The following SMARCB1 variants were observed in gnomAD, a reference collection of about 807,000 sequenced individuals.
SMARCB1 encodes SWI/SNF related BAF chromatin remodeling complex subunit B1.
Under a neutral mutation model 49.0 loss-of-function variants are expected in SMARCB1, and 5 were observed. The observed-to-expected ratio is 0.10, with a 90% CI of 0.05 to 0.21. The LOEUF (loss-of-function observed/expected upper bound fraction) is 0.21. Ranked by LOEUF, SMARCB1 falls within the 10% of genes least tolerant of loss-of-function variation. The pLI is 1.00. For missense variants in SMARCB1, 226 were observed against 509.2 expected, an observed-to-expected ratio of 0.44 and a Z score of 5.35; for synonymous variants, 201 against 200.1, an observed-to-expected ratio of 1.00 and a Z score of -0.04.
At chr22:23,801,183 T>C in intron 4 of SMARCB1, 102 bp downstream of exon 4, 7 of 1,545,998 alleles carry the variant, frequency 4.5e-6, no homozygotes, top group Non-Finnish European at 6.2e-6. Flanking sequence ...GCTTTGACCT[T>C]GTGCTCCCCA....
At chr22:23,788,473 T>G (rs889849827) in intron 1 of SMARCB1, among the ~76,000 whole-genome samples, 1 of 151,822 alleles carries the variant, frequency 6.6e-6, no homozygotes. Context: ...TGGTGTGATC[T>G]CGGCTCACTG....
In SMARCB1 at chr22:23,837,794, A is replaced by ACAC. The variant is rs1568969397; in HGVS notation, c.*3617_*3619dup. On this transcript the variant is annotated 3_prime_UTR_variant, in exon 9 of 9. Transcript: ENST00000644036. Reference sequence around the variant, plus strand: ...CGAGGGCTGCGGCGGCTCCACACGTACACCAGCATGGCCATGAGGGCCTGG... The same window carrying ACAC: ...CGAGGGCTGCGGCGGCTCCACACGTACACCACCAGCATGGCCATGAGGGCCTGG... The ACAC allele has an allele frequency of 6.2e-7, 1 of 1,613,840 alleles. No homozygotes were observed. Among genetic ancestry groups the ACAC allele is most frequent in the Non-Finnish European group, 8.5e-7 (1 of 1,180,000 alleles).
chr22:23,832,604 C>T (rs1426891975), intron 7 of SMARCB1, among the ~76,000 whole-genome samples: 1 of 152,206 alleles, frequency 6.6e-6, no homozygotes, highest in Non-Finnish European at 1.5e-5. Context: ...TTCTGCCAAG[C>T]CAGGGGTCTG....
chr22:23,808,535 C>T (rs1045535723), intron 5 of SMARCB1, among the ~76,000 whole-genome samples: 6 of 152,246 alleles, frequency 3.9e-5, no homozygotes, highest in East Asian at 3.9e-4. Flanking sequence ...GGATTACAGG[C>T]GTGAGCCACT....
chr22:23,836,046 CAAGGA>C lies in SMARCB1; in HGVS notation c.*1870_*1874del. 1 of 985,480 alleles carries C rather than the reference CAAGGA, an allele frequency of 1.0e-6. No individual in the cohort carries two copies. Among genetic ancestry groups the C allele is most frequent in the Non-Finnish European group, 1.2e-6 (1 of 829,954 alleles). The allele number at this position is 985,480 out of a possible 1,614,324, so 61.0% of individuals were successfully genotyped here. On this transcript the variant is annotated 3_prime_UTR_variant, in exon 9 of 9. Coordinates refer to ENST00000644036, the MANE Select transcript of SMARCB1 (RefSeq NM_003073.5). ...CACAACATGGACAGGCTTAGAACAA[CAAGGA>C]AAGCTGCCAGGTCAGAAGAGAAAAA...
rs746421595 is a variant in SMARCB1 at position 23,791,808 on chromosome 22, C to T, written c.146C>T (p.Ser49Leu). 6.2e-7 allele frequency: 1 copy of T among 1,613,620 alleles called. No individual in the cohort carries two copies. The highest frequency in any genetic ancestry group is 1.7e-5 in the Admixed American group (1 of 60,020). The change falls in exon 2 of 9, where the codon TCA (serine) becomes TTA (leucine). Residue 49 changes from serine to leucine, a missense_variant. Coordinates refer to ENST00000644036, the MANE Select transcript of SMARCB1 (RefSeq NM_003073.5). ...FRGSLYKRYP[S>L]LWRRLATVEE... is the part of the protein sequence containing the mutation. Reference sequence around the variant, plus strand: ...GGTTCTCTGTACAAGAGATACCCCTCACTCTGGAGGCGACTAGCCACTGTG... The same window carrying T: ...GGTTCTCTGTACAAGAGATACCCCTTACTCTGGAGGCGACTAGCCACTGTG...
At chr22:23,806,465 T>C (rs1929505297) in intron 5 of SMARCB1, among the ~76,000 whole-genome samples, 1 of 152,262 alleles carries the variant, frequency 6.6e-6, no homozygotes, top group Non-Finnish European at 1.5e-5. Context: ...GAGCTGTGAT[T>C]CTTAATTGGT....
At chr22:23,803,126 G>A in intron 4 of SMARCB1, 169 bp from the exon 5 acceptor site, 1 of 794,860 alleles carries the variant, frequency 1.3e-6, no homozygotes, top group Non-Finnish European at 2.2e-6. Flanking sequence ...ATTAGACCGT[G>A]GCCCCGGGAC....
At chr22:23,804,818 G>A (rs998872461) in intron 5 of SMARCB1, among the ~76,000 whole-genome samples, 1 of 152,226 alleles carries the variant, frequency 6.6e-6, no homozygotes, top group African/African-American at 2.4e-5. Context: ...TGGGATTACA[G>A]GCGTGAGCCA....
At chr22:23,799,282 T>G (rs905753479) in intron 3 of SMARCB1, among the ~76,000 whole-genome samples, 1 of 138,464 alleles carries the variant, frequency 7.2e-6, no homozygotes, top group African/African-American at 2.7e-5. Flanking sequence ...GCTTTTGGTA[T>G]TTTTTTTTTT....
intron 4 of SMARCB1, 63 bp downstream of exon 4, chr22:23,801,144 C>T (rs1206087861): frequency 6.2e-7 from 1 of 1,613,034 alleles, no homozygotes; most frequent in Non-Finnish European, 8.5e-7. Context: ...CAGCACGTTT[C>T]AGTTCCTTCC....
In SMARCB1 at chr22:23,787,215, A is replaced by C. The variant is rs1928044503; in HGVS notation, c.46A>C (p.Lys16Gln). ...LSKTFGQKPVKFQLEDDGEFY... is the reference protein window; with the variant it reads ...LSKTFGQKPVQFQLEDDGEFY... ...CAAGACCTTCGGGCAGAAGCCCGTG[A>C]AGTTCCAGCTGGAGGACGACGGCGA... is the stretch of plus-strand genomic sequence containing the variant. Residue 16 changes from lysine to glutamine, a missense_variant, in exon 1 of 9, where the codon AAG becomes CAG. Physicochemically the swap from Lys to Gln is moderately conservative, Grantham distance 53. Coordinates refer to ENST00000644036, the MANE Select transcript of SMARCB1 (RefSeq NM_003073.5). 1 of 1,609,260 alleles carries C rather than the reference A, an allele frequency of 6.2e-7. No individual in the cohort carries two copies. Among genetic ancestry groups the C allele is most frequent in the Middle Eastern group, 1.7e-4 (1 of 6,050 alleles).
intron 5 of SMARCB1, 104 bp from the exon 6 acceptor site, chr22:23,816,666 T>G (rs1930212217): frequency 9.0e-7 from 1 of 1,110,782 alleles, no homozygotes; most frequent in Admixed American, 1.7e-5. Context: ...TGTCCTCTCC[T>G]GCATCCGGAG....
intron 1 of SMARCB1, among the ~76,000 whole-genome samples, chr22:23,790,566 G>C (rs889140935): frequency 6.6e-6 from 1 of 151,324 alleles, no homozygotes; most frequent in Non-Finnish European, 1.5e-5. Context: ...TAATTAGGCC[G>C]GGTATGTGGC....
intron 4 of SMARCB1, chr22:23,801,417 G>C (rs34524637): frequency 0.019 from 11,986 of 620,228 alleles, 444 homozygotes; most frequent in South Asian, 0.096. Flanking sequence ...TGCCATCCAC[G>C]TGACTCCCAC....
chr22:23,797,058 C>T (rs1324606289), intron 3 of SMARCB1, among the ~76,000 whole-genome samples: 5 of 144,632 alleles, frequency 3.5e-5, no homozygotes, highest in South Asian at 4.4e-4. Flanking sequence ...AGTGCAGTGG[C>T]GCAATCTCGG....
At chr22:23,801,184 G>A in intron 4 of SMARCB1, 103 bp downstream of exon 4, 2 of 1,543,690 alleles carry the variant, frequency 1.3e-6, no homozygotes, top group South Asian at 1.1e-5. Flanking sequence ...CTTTGACCTT[G>A]TGCTCCCCAC....
rs2146055203 is a variant in SMARCB1 at position 23,836,025 on chromosome 22, A to G, written c.*1845A>G. ...ACTGAGCATCCAGAAATAAACCACA[A>G]CATGGACAGGCTTAGAACAACAAGG... On this transcript the variant is annotated 3_prime_UTR_variant, in exon 9 of 9. Transcript: ENST00000644036. 1.0e-6 allele frequency: 1 copy of G among 985,484 alleles called. No individual in the cohort carries two copies. The highest frequency in any genetic ancestry group is 1.7e-5 in the African/African-American group (1 of 57,356). 61.0% of individuals were successfully genotyped at this position (985,484 alleles called of 1,614,324 possible).
rs35085278 is a variant in SMARCB1, at chr22:23,818,219, C to G, written c.795+1283C>G. ...CCCAGGCTGGCTTGCAGTGTGCGAT[C>G]TCAGCTCACTGCAAGCTCCGCCTCC... On this transcript the variant is annotated intron_variant, in intron 6 of 8. Coordinates refer to ENST00000644036, the MANE Select transcript of SMARCB1 (RefSeq NM_003073.5). 7.4e-3 allele frequency: 1,115 copies of G among 151,566 alleles called. 12 individuals carry two copies. Among genetic ancestry groups the G allele is most frequent in the African/African-American group, 0.024 (1,007 of 41,126 alleles). 9.4% of individuals were successfully genotyped at this position (151,566 alleles called of 1,614,324 possible). A position where few individuals can be genotyped will look rare whatever the true frequency, so the allele number is the denominator to read the frequency against.
Sources: allele counts gnomAD v4.1 joint callset (sites outside exome capture counted in the v4.1 genomes callset), GRCh38; gene constraint gnomAD v4.1.1; transcripts MANE v1.5; gene names NCBI Gene and HGNC (gene_info 2026-07-23, HGNC 2026-07-21).